GPM6A: variants seen among roughly 807,000 people sequenced by gnomAD.
GPM6A encodes neuronal membrane glycoprotein M6-a.
Under a neutral mutation model 32.1 loss-of-function variants are expected in GPM6A, and 7 were observed. The observed-to-expected ratio is 0.22, with a 90% CI of 0.12 to 0.41. The LOEUF (loss-of-function observed/expected upper bound fraction) is 0.41, where lower values mean the gene tolerates loss of function less well. GPM6A is among the 10% of genes least tolerant of loss of function. The pLI, the probability that GPM6A is intolerant of heterozygous loss-of-function variation, is 1.00. For missense variants in GPM6A, 235 were observed against 347.2 expected, an observed-to-expected ratio of 0.68 and a Z score of 2.57; for synonymous variants, 130 against 123.4, an observed-to-expected ratio of 1.05 and a Z score of -0.35.
At chr4:175,715,046 A>C (rs758575917) in intron 1 of GPM6A, among the ~76,000 whole-genome samples, 61 of 151,818 alleles carry the variant, frequency 4.0e-4, no homozygotes, top group Non-Finnish European at 6.3e-4. Flanking sequence ...TGGGGTTTTG[A>C]TATCCCATAC....
At chr4:175,778,604 A>T (rs1733487512) in intron 1 of GPM6A, among the ~76,000 whole-genome samples, 1 of 147,346 alleles carries the variant, frequency 6.8e-6, no homozygotes, top group African/African-American at 2.5e-5. Flanking sequence ...CAGCCTGGCA[A>T]CAGAGCAAGA....
intron 1 of GPM6A, among the ~76,000 whole-genome samples, chr4:175,726,599 A>G (rs1387417298): frequency 6.6e-6 from 1 of 152,184 alleles, no homozygotes; most frequent in Non-Finnish European, 1.5e-5. Flanking sequence ...TTGGTTATCT[A>G]TATTCCAGGA....
chr4:175,895,225 ATC>A (rs2111482210), intron 1 of GPM6A, among the ~76,000 whole-genome samples: 2 of 152,172 alleles, frequency 1.3e-5, no homozygotes, highest in East Asian at 3.9e-4. Flanking sequence ...TAAATATGTG[ATC>A]CATTTTGCTC....
At position 175,992,909 on chromosome 4, in the gene GPM6A, AGTTT is replaced by A. The variant is rs551506911; in HGVS notation, c.-23+9396_-23+9399del. Among the ~76,000 whole-genome samples, 13 of 152,258 alleles carry A rather than the reference AGTTT, an allele frequency of 8.5e-5. No individual in the cohort carries two copies. The South Asian group carries it at 1.7e-3, about 19-fold the overall frequency. On this transcript the variant is annotated intron_variant, in intron 1 of 7. Transcript: ENST00000280187. ...CAAATGCCATCAAACATTCTTAGAC[AGTTT>A]GTTTAACTTTTAAAGTTATATTTAA... is the stretch of plus-strand genomic sequence containing the variant.
chr4:175,658,626 T>G (rs1742223723), intron 3 of GPM6A, among the ~76,000 whole-genome samples: 1 of 152,172 alleles, frequency 6.6e-6, no homozygotes, highest in East Asian at 1.9e-4. Context: ...AATGTGCCAT[T>G]CTGGTGGTGG....
intron 1 of GPM6A, among the ~76,000 whole-genome samples, chr4:175,797,452 G>A (rs192665965): frequency 2.4e-4 from 37 of 151,984 alleles, no homozygotes; most frequent in African/African-American, 8.2e-4. Flanking sequence ...TTGTATCCCC[G>A]CCCTCAAATA....
At chr4:175,997,577 G>C (rs534220878) in intron 1 of GPM6A, among the ~76,000 whole-genome samples, 19 of 151,764 alleles carry the variant, frequency 1.3e-4, no homozygotes, top group African/African-American at 4.4e-4. Flanking sequence ...AGATTTATAG[G>C]ACCCATTCAA....
At chr4:175,977,094 T>A (rs1740685263) in intron 1 of GPM6A, among the ~76,000 whole-genome samples, 1 of 152,172 alleles carries the variant, frequency 6.6e-6, no homozygotes, top group East Asian at 1.9e-4. Flanking sequence ...AAATAATTAA[T>A]AGGCAAATCA....
intron 1 of GPM6A, among the ~76,000 whole-genome samples, chr4:175,723,713 C>T (rs1252786611): frequency 6.6e-6 from 1 of 152,066 alleles, no homozygotes; most frequent in East Asian, 1.9e-4. Context: ...AGGGAAGGAG[C>T]TGGTCTTATC....
intron 3 of GPM6A, among the ~76,000 whole-genome samples, chr4:175,672,515 G>A (rs1439682741): frequency 6.6e-6 from 1 of 152,028 alleles, no homozygotes; most frequent in Non-Finnish European, 1.5e-5. Context: ...AATTGCTTGG[G>A]CATCACTGAA....
chr4:175,970,548 G>A (rs1311831670), intron 1 of GPM6A, among the ~76,000 whole-genome samples: 1 of 152,192 alleles, frequency 6.6e-6, no homozygotes, highest in Admixed American at 6.5e-5. Flanking sequence ...GAAAGAGTTG[G>A]ACAGAGTTCT....
intron 2 of GPM6A, among the ~76,000 whole-genome samples, chr4:175,697,274 C>T (rs922780427): frequency 1.3e-5 from 2 of 151,946 alleles, no homozygotes; most frequent in Non-Finnish European, 2.9e-5. Context: ...TTTTATTGTC[C>T]CAAATGAATC....
At chr4:175,687,896 C>T (rs573577986) in intron 2 of GPM6A, among the ~76,000 whole-genome samples, 13 of 152,094 alleles carry the variant, frequency 8.5e-5, no homozygotes, top group Non-Finnish European at 1.8e-4. Context: ...TGCGAGGTGA[C>T]AGCTCATTAT....
At chr4:175,993,940 T>G (rs186523370) in intron 1 of GPM6A, among the ~76,000 whole-genome samples, 48 of 152,354 alleles carry the variant, frequency 3.2e-4, no homozygotes, top group African/African-American at 8.2e-4. Context: ...TAGCAACGTG[T>G]ACAAATGTAA....
At chr4:175,760,534 G>C (rs1732698939) in intron 1 of GPM6A, among the ~76,000 whole-genome samples, 1 of 152,098 alleles carries the variant, frequency 6.6e-6, no homozygotes, top group Admixed American at 6.6e-5. Flanking sequence ...CTCTCATGTT[G>C]AGGAAATATG....
At chr4:175,852,097 C>A (rs879399793) in intron 1 of GPM6A, among the ~76,000 whole-genome samples, 17 of 152,242 alleles carry the variant, frequency 1.1e-4, no homozygotes, top group Non-Finnish European at 1.8e-4. Flanking sequence ...GGAATTGGGG[C>A]TTTGGCCATC....
Position 175,732,033 on chromosome 4 carries a change from C to G in GPM6A, c.38-30266G>C, listed in dbSNP as rs556106508. 8.5e-5 allele frequency among the ~76,000 whole-genome samples: 12 copies of G among 141,522 alleles called. No individual in the cohort carries two copies. The South Asian group carries it at 1.9e-3, about 22-fold the overall frequency. 92.8% of individuals were successfully genotyped at this position (141,522 alleles called of 152,430 possible). On this transcript the variant is annotated intron_variant, in intron 1 of 6. Transcript: ENST00000393658. ...CCAGGCTGGAGTGCAGTGGCTCAATCTCAGCTTACTGCAAACTCTGCCTCC... is the reference window on the plus strand; with the variant it reads ...CCAGGCTGGAGTGCAGTGGCTCAATGTCAGCTTACTGCAAACTCTGCCTCC...
intron 3 of GPM6A, among the ~76,000 whole-genome samples, chr4:175,653,374 T>A (rs1240943856): frequency 6.6e-6 from 1 of 152,148 alleles, no homozygotes; most frequent in Non-Finnish European, 1.5e-5. Flanking sequence ...TTTCTAATAA[T>A]ATTGTTTTAT....
intron 2 of GPM6A, among the ~76,000 whole-genome samples, chr4:175,675,916 G>C (rs1156937492): frequency 6.6e-6 from 1 of 151,996 alleles, no homozygotes; most frequent in Non-Finnish European, 1.5e-5. Flanking sequence ...ATATGGTTTG[G>C]CTGTGTCCCC....
Sources: gnomAD v4.1 joint callset for allele counts (sites outside exome capture counted in the v4.1 genomes callset) on GRCh38, gnomAD v4.1.1 for gene constraint, MANE v1.5 for transcripts, NCBI Gene and HGNC (gene_info 2026-07-23, HGNC 2026-07-21) for gene names.